The following PARP15 variants were observed in gnomAD, a reference collection of about 807,000 sequenced individuals.
PARP15 encodes the protein protein mono-ADP-ribosyltransferase PARP15.
In PARP15, 50 loss-of-function variants were observed where a neutral mutation model predicts 62.1. That is an observed-to-expected ratio of 0.81 (90% CI 0.64 to 1.02). The LOEUF (loss-of-function observed/expected upper bound fraction) is 1.02, where lower values mean the gene tolerates loss of function less well. PARP15 is among the 50% of genes least tolerant of loss of function. PARP15 has a pLI of 0.00. For missense variants in PARP15, 820 were observed against 826.5 expected (o/e 0.99, Z 0.10); for synonymous variants, 309 against 293.1 (o/e 1.05, Z -0.55).
intron 10 of PARP15, among the ~76,000 whole-genome samples, chr3:122,632,958 T>TA (rs1937142551): frequency 6.6e-6 from 1 of 152,200 alleles, no homozygotes; most frequent in African/African-American, 2.4e-5. Flanking sequence ...CTATGCTGCA[T>TA]AAAAATATTA....
chr3:122,602,080 G>A (rs1250742291), intron 1 of PARP15, among the ~76,000 whole-genome samples: 2 of 152,092 alleles, frequency 1.3e-5, no homozygotes, highest in African/African-American at 2.4e-5. Flanking sequence ...GTTATTCTTT[G>A]GACTTTCCTT....
rs768787452 is a variant in PARP15, at chr3:122,621,478, A to T, written c.1098A>T (p.Pro366=). The T allele has an allele frequency of 6.2e-7, 1 of 1,613,316 alleles. No individual in the cohort carries two copies. Among genetic ancestry groups the T allele is most frequent in the African/African-American group, 1.3e-5 (1 of 74,974 alleles). The change falls in exon 8 of 12, where the codon CCA becomes CCT. Residue 366 remains proline, a synonymous_variant. Transcript: ENST00000464300. ...CTCACAGAGATTTTATAATTACACC[A>T]GGTGGATGCTTAAAGTGCAAAATAA... is the stretch of plus-strand genomic sequence containing the variant. ...AQPHRDFIIT[P]GGCLKCKIII...
At chr3:122,612,731 A>AC (rs1935660887) in intron 3 of PARP15, among the ~76,000 whole-genome samples, 1 of 150,928 alleles carries the variant, frequency 6.6e-6, no homozygotes, top group African/African-American at 2.5e-5. Context: ...CCCTGCCAAT[A>AC]CATTTTTTTT....
chr3:122,618,560 G>T (rs1011747587), intron 6 of PARP15, among the ~76,000 whole-genome samples: 12 of 152,136 alleles, frequency 7.9e-5, no homozygotes, highest in African/African-American at 2.7e-4. Context: ...AAATAAGATT[G>T]AATGAAATTC....
intron 6 of PARP15, among the ~76,000 whole-genome samples, chr3:122,619,160 A>T (rs947518417): frequency 6.6e-6 from 1 of 152,216 alleles, no homozygotes; most frequent in African/African-American, 2.4e-5. Context: ...CCTGTGAGGG[A>T]AGTGCCATAT....
rs1937481585 is a variant in PARP15, at chr3:122,638,652, T to C, written c.*2552T>C. 1 of 152,184 alleles carries C rather than the reference T, an allele frequency of 6.6e-6. No individual in the cohort carries two copies. The highest frequency in any genetic ancestry group is 2.4e-5 in the African/African-American group (1 of 41,448). The allele number at this position is 152,184 out of a possible 1,614,324, so 9.4% of individuals were successfully genotyped here. A position where few individuals can be genotyped will look rare whatever the true frequency, so the allele number is the denominator to read the frequency against. Reference sequence around the variant, plus strand: ...GCCCACTTTTTGATGGGGTTCTTTGTTTTTTTCTTGTATATTTGTTTGAGT... The same window carrying C: ...GCCCACTTTTTGATGGGGTTCTTTGCTTTTTTCTTGTATATTTGTTTGAGT... On this transcript the variant is annotated 3_prime_UTR_variant, in exon 12 of 12. Transcript: ENST00000464300.
At chr3:122,617,498 G>A (rs976471888) in intron 6 of PARP15, among the ~76,000 whole-genome samples, 1 of 152,132 alleles carries the variant, frequency 6.6e-6, no homozygotes, top group East Asian at 1.9e-4. Context: ...CACAAGTATA[G>A]TTTAGTACCT....
chr3:122,608,974 T>TG (rs1454138268), intron 2 of PARP15, among the ~76,000 whole-genome samples: 1 of 151,784 alleles, frequency 6.6e-6, no homozygotes, highest in African/African-American at 2.4e-5. Flanking sequence ...AGGCTGGTCT[T>TG]GAACTCCTGG....
chr3:122,610,300 A>G (rs1935469231), intron 2 of PARP15, among the ~76,000 whole-genome samples, 194 bp from the exon 3 acceptor site: 1 of 152,130 alleles, frequency 6.6e-6, no homozygotes, highest in African/African-American at 2.4e-5. Flanking sequence ...CTTAATGTCT[A>G]AGTTTTGGAA....
intron 3 of PARP15, among the ~76,000 whole-genome samples, chr3:122,611,676 C>T (rs1467113153): frequency 6.6e-6 from 1 of 151,736 alleles, no homozygotes; most frequent in East Asian, 1.9e-4. Flanking sequence ...ACTATATTTC[C>T]TTCAAGTCAA....
chr3:122,591,723 T>C (rs1456176678), intron 1 of PARP15, among the ~76,000 whole-genome samples: 4 of 131,330 alleles, frequency 3.0e-5, no homozygotes, highest in Non-Finnish European at 6.1e-5. Flanking sequence ...CCGAGATTGC[T>C]CCACTGCACT....
chr3:122,617,348 C>T (rs1936046857), intron 6 of PARP15, among the ~76,000 whole-genome samples, 184 bp downstream of exon 6: 1 of 152,182 alleles, frequency 6.6e-6, no homozygotes, highest in South Asian at 2.1e-4. Context: ...GGACAAGTCA[C>T]TTAACCTCTC....
At chr3:122,614,934 G>A in intron 4 of PARP15, 1 of 350,674 alleles carries the variant, frequency 2.9e-6, no homozygotes, top group Non-Finnish European at 4.0e-6. Context: ...GGAGGCTGAG[G>A]TGGGAGGATC....
chr3:122,584,020 C>A (rs1933197619), intron 1 of PARP15, among the ~76,000 whole-genome samples: 1 of 34,656 alleles, frequency 2.9e-5, no homozygotes, highest in African/African-American at 6.2e-5. Context: ...ATGTGGTAAG[C>A]CTATGTGGTA....
intron 6 of PARP15, 27 bp from the exon 7 acceptor site, chr3:122,619,754 C>T (rs762211751): frequency 1.6e-5 from 25 of 1,573,724 alleles, no homozygotes; most frequent in Non-Finnish European, 2.0e-5. Flanking sequence ...TAACTGATGC[C>T]TTTTACCATT....
At chr3:122,621,361 A>T in intron 7 of PARP15, 83 bp from the exon 8 acceptor site, 1 of 1,421,284 alleles carries the variant, frequency 7.0e-7, no homozygotes, top group East Asian at 2.3e-5. Context: ...CACGGATGTC[A>T]GCTGTTTTCA....
At chr3:122,635,544 G>C (rs549793320) in intron 11 of PARP15, among the ~76,000 whole-genome samples, 1 of 151,988 alleles carries the variant, frequency 6.6e-6, no homozygotes, top group Non-Finnish European at 1.5e-5. Context: ...GAGTAGCTGG[G>C]ATTACAGGCA....
rs778392799 is a variant in PARP15, at chr3:122,635,961, T to G, written c.1898T>G (p.Val633Gly). 2.5e-6 allele frequency: 4 copies of G among 1,614,022 alleles called. No homozygotes were observed. Among genetic ancestry groups the G allele is most frequent in the Admixed American group, 3.3e-5 (2 of 59,990 alleles). The stretch of plus-strand genomic sequence containing the variant: ...TTCACAAAGGGACGTGCAGGATTAG[T>G]CACCCCTCCACCCAAGAATCCTCAC... ...GVFTKGRAGL[V>G]TPPPKNPHNP... Residue 633 changes from valine to glycine, a missense_variant, in exon 12 of 12, where the codon GTC becomes GGC. Coordinates refer to ENST00000464300, the MANE Select transcript of PARP15 (RefSeq NM_001113523.3).
At chr3:122,582,485 A>G (rs1933032937) in intron 1 of PARP15, among the ~76,000 whole-genome samples, 1 of 152,172 alleles carries the variant, frequency 6.6e-6, no homozygotes, top group Admixed American at 6.5e-5. Flanking sequence ...CATGAATGAC[A>G]TTTTCTAAGT....
Sources: gnomAD v4.1 joint callset for allele counts (sites outside exome capture counted in the v4.1 genomes callset) on GRCh38, gnomAD v4.1.1 for gene constraint, MANE v1.5 for transcripts, NCBI Gene and HGNC (gene_info 2026-07-23, HGNC 2026-07-21) for gene names.